The following SEMA5A variants were observed in gnomAD, a reference collection of about 807,000 sequenced individuals.
SEMA5A encodes the protein semaphorin 5A, also known as semaphorin-5A.
SEMA5A carries 55 observed loss-of-function variants against 135.5 expected under a neutral mutation model. That is an observed-to-expected ratio of 0.41 (90% CI 0.33 to 0.51). The LOEUF is 0.51. Among genes scored for constraint, SEMA5A ranks in the 20% least tolerant of loss-of-function variants. SEMA5A has a pLI of 0.37. For synonymous variants in SEMA5A, 580 were observed against 546.5 expected, an observed-to-expected ratio of 1.06 and a Z score of -0.85; for missense variants, 1,290 against 1,419.9, an observed-to-expected ratio of 0.91 and a Z score of 1.47.
chr5:9,471,179 G>A (rs188975364), intron 1 of SEMA5A, among the ~76,000 whole-genome samples: 47 of 152,172 alleles, frequency 3.1e-4, no homozygotes, highest in Admixed American at 3.0e-3. Context: ...CTTCACATCC[G>A]TATATCACAC....
intron 11 of SEMA5A, among the ~76,000 whole-genome samples, chr5:9,164,400 AT>A (rs1006417426): frequency 1.5e-4 from 22 of 149,938 alleles, no homozygotes; most frequent in African/African-American, 4.9e-4. Flanking sequence ...GATTATAAAT[AT>A]TTTTTTGCTT....
intron 11 of SEMA5A, among the ~76,000 whole-genome samples, chr5:9,171,023 T>A (rs79463078): frequency 0.013 from 1,924 of 152,228 alleles, 42 homozygotes; most frequent in African/African-American, 0.044. Context: ...TTGGAATTCC[T>A]CTGCTATCCT....
At chr5:9,510,810 C>T (rs915198565) in intron 1 of SEMA5A, among the ~76,000 whole-genome samples, 3 of 152,104 alleles carry the variant, frequency 2.0e-5, no homozygotes, top group African/African-American at 7.2e-5. Context: ...TGTAATTTCT[C>T]AATAGAGAAA....
At chr5:9,136,001 C>G (rs1741717926) in intron 13 of SEMA5A, among the ~76,000 whole-genome samples, 1 of 152,200 alleles carries the variant, frequency 6.6e-6, no homozygotes, top group Non-Finnish European at 1.5e-5. Context: ...GGAACGCACA[C>G]TAGGCGGTCT....
intron 5 of SEMA5A, among the ~76,000 whole-genome samples, chr5:9,269,787 T>C (rs1749874848): frequency 6.6e-6 from 1 of 152,150 alleles, no homozygotes; most frequent in South Asian, 2.1e-4. Context: ...TAAATCTGCA[T>C]ATGCAAAACA....
In SEMA5A at chr5:9,139,866, C is replaced by G. The variant is rs1317023766; in HGVS notation, c.1482-3245G>C. Among the ~76,000 whole-genome samples the G allele has an allele frequency of 8.5e-5, 13 of 152,156 alleles. 1 individual carries two copies. The East Asian group carries it at 2.5e-3, about 29-fold the overall frequency. On this transcript the variant is annotated intron_variant, in intron 12 of 22. Transcript: ENST00000382496. ...GAAAGATTAAAGATTATAGAAACAT[C>G]ACTCCCCCGATTCCTTCTGATTCTT...
chr5:9,343,960 T>C lies in SEMA5A; in HGVS notation c.125-6148A>G, dbSNP rs141551530. On this transcript the variant is annotated intron_variant, in intron 3 of 22. Coordinates refer to ENST00000382496, the MANE Select transcript of SEMA5A (RefSeq NM_003966.3). ...CCTCAAATCTTTTCAGTGATTATCA[T>C]AGCTTTCAGTCCCAAAGCTTCACAC... 2.3e-3 allele frequency among the ~76,000 whole-genome samples: 343 copies of C among 152,302 alleles called. 1 individual carries two copies. The highest frequency in any genetic ancestry group is 6.8e-3 in the Middle Eastern group (2 of 294).
intron 1 of SEMA5A, among the ~76,000 whole-genome samples, chr5:9,539,240 A>T (rs1343925263): frequency 6.6e-6 from 1 of 152,158 alleles, no homozygotes; most frequent in Non-Finnish European, 1.5e-5. Context: ...GGCTTCCTTC[A>T]CTTGGCACAA....
intron 1 of SEMA5A, among the ~76,000 whole-genome samples, chr5:9,514,750 C>T (rs1041455124): frequency 2.6e-5 from 4 of 152,156 alleles, no homozygotes; most frequent in African/African-American, 9.7e-5. Flanking sequence ...AATCCATAGA[C>T]TTGGAACCCA....
At position 9,116,453 on chromosome 5, in the gene SEMA5A, T is replaced by C. The variant is rs184095712; in HGVS notation, c.1925+2545A>G. On this transcript the variant is annotated intron_variant, in intron 15 of 22. Coordinates refer to ENST00000382496, the MANE Select transcript of SEMA5A (RefSeq NM_003966.3). ...AATGTCAGAAGAGAAAAAGAAACTG[T>C]CTATACATTTTAAAGTACATGTAAA... 3.4e-4 allele frequency among the ~76,000 whole-genome samples: 52 copies of C among 152,338 alleles called. No individual in the cohort carries two copies. In the East Asian group the frequency reaches 8.5e-3, roughly 25 times the overall value.
chr5:9,094,915 C>T (rs1345693188), intron 16 of SEMA5A, among the ~76,000 whole-genome samples: 4 of 152,044 alleles, frequency 2.6e-5, no homozygotes, highest in African/African-American at 9.6e-5. Context: ...CTTTGCAACT[C>T]TTCCTTCCAC....
chr5:9,166,049 T>C (rs746954272), intron 11 of SEMA5A, among the ~76,000 whole-genome samples: 6 of 152,200 alleles, frequency 3.9e-5, no homozygotes, highest in Non-Finnish European at 8.8e-5. Context: ...AACTAATGGC[T>C]TATTTTTTCC....
At chr5:9,155,300 T>C (rs1046354474) in intron 11 of SEMA5A, among the ~76,000 whole-genome samples, 40 of 152,280 alleles carry the variant, frequency 2.6e-4, no homozygotes, top group African/African-American at 9.6e-4. Context: ...CTTGTGCTTC[T>C]GAGTATTAAT....
intron 5 of SEMA5A, among the ~76,000 whole-genome samples, chr5:9,316,398 A>G (rs1466595017): frequency 1.3e-5 from 2 of 152,200 alleles, no homozygotes; most frequent in African/African-American, 4.8e-5. Context: ...ACTGCTACTA[A>G]GAATACTTCT....
At chr5:9,222,383 C>T (rs965360490) in intron 8 of SEMA5A, among the ~76,000 whole-genome samples, 2 of 152,094 alleles carry the variant, frequency 1.3e-5, no homozygotes, top group Non-Finnish European at 2.9e-5. Flanking sequence ...GGTATGAAGA[C>T]AACACTTCAT....
chr5:9,517,011 A>G (rs1049292775), intron 1 of SEMA5A: 1 of 152,254 alleles, frequency 6.6e-6, no homozygotes, highest in East Asian at 1.9e-4. Context: ...AAGGTTGTCA[A>G]TGTGAACACA....
At chr5:9,344,336 G>A (rs1476735375) in intron 3 of SEMA5A, among the ~76,000 whole-genome samples, 1 of 152,164 alleles carries the variant, frequency 6.6e-6, no homozygotes, top group African/African-American at 2.4e-5. Flanking sequence ...TAAGGCTAAG[G>A]CAATATTTCT....
At chr5:9,333,115 T>C (rs919116811) in intron 4 of SEMA5A, among the ~76,000 whole-genome samples, 2 of 152,134 alleles carry the variant, frequency 1.3e-5, no homozygotes, top group African/African-American at 4.8e-5. Context: ...GAAACACATT[T>C]AAAAACCTGA....
chr5:9,541,471 C>A (rs1466974212), intron 1 of SEMA5A, among the ~76,000 whole-genome samples: 5 of 152,090 alleles, frequency 3.3e-5, no homozygotes, highest in Non-Finnish European at 7.4e-5. Context: ...AAAAGAATTT[C>A]ATCCTCTAAA....
Sources: allele counts gnomAD v4.1 joint callset (sites outside exome capture counted in the v4.1 genomes callset), GRCh38; gene constraint gnomAD v4.1.1; transcripts MANE v1.5; gene names NCBI Gene and HGNC (gene_info 2026-07-23, HGNC 2026-07-21).